DHX8: variants seen among roughly 807,000 people sequenced by gnomAD.
DHX8 encodes the protein ATP-dependent RNA helicase DHX8.
In DHX8, 67 loss-of-function variants were observed where a neutral mutation model predicts 140.7. The ratio of observed to expected loss-of-function variants is 0.48; its 90% CI spans 0.39 to 0.58. The LOEUF is 0.58. Ranked by LOEUF, DHX8 falls within the 20% of genes least tolerant of loss-of-function variation. The pLI is 0.00. For missense variants in DHX8, 887 were observed against 1,550.7 expected (o/e 0.57, Z 7.19); for synonymous variants, 533 against 553.2 (o/e 0.96, Z 0.51).
In DHX8 at chr17:43,525,120, C is replaced by T. The variant is rs2154586953; in HGVS notation, c.*1273C>T. Reference sequence around the variant, plus strand: ...TGAGGAGGCTCCTTACCTGGCGGAACATCAGGCAGGTCTTGCCAGGCCAGG... The same window carrying T: ...TGAGGAGGCTCCTTACCTGGCGGAATATCAGGCAGGTCTTGCCAGGCCAGG... On this transcript the variant is annotated 3_prime_UTR_variant, in exon 23 of 23. Transcript: ENST00000262415. 1 of 985,412 alleles carries T rather than the reference C, an allele frequency of 1.0e-6. No homozygotes were observed. The highest frequency in any genetic ancestry group is 1.2e-6 in the Non-Finnish European group (1 of 829,928). The allele number at this position is 985,412 out of a possible 1,614,324, so 61.0% of individuals were successfully genotyped here. A position where few individuals can be genotyped will look rare whatever the true frequency, so the allele number is the denominator to read the frequency against.
chr17:43,502,284 G>A (rs1375407548), intron 11 of DHX8, among the ~76,000 whole-genome samples: 1 of 152,212 alleles, frequency 6.6e-6, no homozygotes, highest in African/African-American at 2.4e-5. Flanking sequence ...TCGGCATGAT[G>A]GCTCACGCCT....
At chr17:43,535,037 C>T (rs992087547) in intron 2 of DHX8, among the ~76,000 whole-genome samples, 9 of 152,218 alleles carry the variant, frequency 5.9e-5, no homozygotes, top group Non-Finnish European at 1.0e-4. Context: ...CATGCTCCTA[C>T]TTATCTGTGA....
At chr17:43,529,627 G>A (rs373939840), downstream of DHX8, 16 of 1,614,074 alleles carry the variant, frequency 9.9e-6, no homozygotes, top group Middle Eastern at 1.7e-4. Flanking sequence ...CCCGGCGCTG[G>A]TAGGGCGGCC....
chr17:43,496,698 T>G (rs1354406357), intron 9 of DHX8, among the ~76,000 whole-genome samples: 3 of 151,970 alleles, frequency 2.0e-5, no homozygotes, highest in African/African-American at 7.3e-5. Context: ...GAGAATTGCT[T>G]GAACCCAGGA....
chr17:43,530,290 C>T (rs1970844574), downstream of DHX8: 1 of 1,515,650 alleles, frequency 6.6e-7, no homozygotes, highest in Middle Eastern at 1.7e-4. Context: ...CAGCCTGCTT[C>T]CTGGTGACTG....
rs773301589 is a variant in DHX8, at chr17:43,522,747, C to CAAAAA, written c.3443+538_3443+542dup. Among the ~76,000 whole-genome samples the CAAAAA allele has an allele frequency of 9.2e-4, 38 of 41,324 alleles. 1 individual carries two copies. Among genetic ancestry groups the CAAAAA allele is most frequent in the African/African-American group, 2.4e-3 (24 of 10,082 alleles). 27.1% of individuals were successfully genotyped at this position (41,324 alleles called of 152,430 possible). A position where few individuals can be genotyped will look rare whatever the true frequency, so the allele number is the denominator to read the frequency against. ...GGGCAACAAGAGCGAAACTCCATCT[C>CAAAAA]AAAAAAAAAAAAAAAAAAAAACCAA... On this transcript the variant is annotated intron_variant, in intron 22 of 22. Transcript: ENST00000262415.
chr17:43,541,852 A>C (rs1408890155), intron 3 of DHX8, among the ~76,000 whole-genome samples: 2 of 152,174 alleles, frequency 1.3e-5, no homozygotes, highest in Non-Finnish European at 2.9e-5. Context: ...GAAGAGACAG[A>C]AAGATGGAGA....
At position 43,484,052 on chromosome 17, in the gene DHX8, A is replaced by C. The variant is rs1156381955; in HGVS notation, c.15A>C (p.Val5=). 2.5e-6 allele frequency: 4 copies of C among 1,614,034 alleles called. No homozygotes were observed. The highest frequency in any genetic ancestry group is 3.4e-6 in the Non-Finnish European group (4 of 1,180,026). MAVA[V]AMAGALIGSE... is the part of the protein sequence containing the mutation. ...AAGCTATAGCCATGGCTGTGGCTGT[A>C]GCCATGGCGGGAGCCTTAATCGGGT... Residue 5 remains valine (V), a synonymous_variant, in exon 1 of 23, where the codon GTA becomes GTC. Coordinates refer to ENST00000262415, the MANE Select transcript of DHX8 (RefSeq NM_004941.3).
rs781052289 is a variant in DHX8 at position 43,507,217 on chromosome 17, G to A, written c.1923+20G>A. On this transcript the variant is annotated intron_variant, in intron 13 of 22. Coordinates refer to ENST00000262415, the MANE Select transcript of DHX8 (RefSeq NM_004941.3). ...CAAGAGGTAAGTAGATAGTGGAGTCGCTCGAAAAATACCAGAAGCAAAGGC... is the reference window on the plus strand; with the variant it reads ...CAAGAGGTAAGTAGATAGTGGAGTCACTCGAAAAATACCAGAAGCAAAGGC... 200 of 1,580,026 alleles carry A rather than the reference G, an allele frequency of 1.3e-4. 1 individual carries two copies. The highest frequency in any genetic ancestry group is 7.3e-4 in the Admixed American group (39 of 53,304).
chr17:43,538,654 C>T (rs1295476697), intron 3 of DHX8, among the ~76,000 whole-genome samples: 1 of 152,188 alleles, frequency 6.6e-6, no homozygotes, highest in Non-Finnish European at 1.5e-5. Context: ...CTCCCTTGAT[C>T]CCAGAGTCTT....
At chr17:43,494,492 C>T (rs866651446) in intron 8 of DHX8, among the ~76,000 whole-genome samples, 9 of 151,908 alleles carry the variant, frequency 5.9e-5, no homozygotes, top group African/African-American at 1.9e-4. Context: ...GAAGCTGAGG[C>T]GGGCGGGTCA....
downstream of DHX8, chr17:43,529,493 G>C: frequency 6.2e-7 from 1 of 1,600,146 alleles, no homozygotes; most frequent in Non-Finnish European, 8.5e-7. Context: ...GGGAACATCC[G>C]AGAGGCCCAC....
At chr17:43,529,913 T>C (rs1418797104), downstream of DHX8, 1 of 1,614,070 alleles carries the variant, frequency 6.2e-7, no homozygotes, top group South Asian at 1.1e-5. Context: ...AACGCAGACA[T>C]CATCTGGGAA....
intron 16 of DHX8, among the ~76,000 whole-genome samples, chr17:43,511,456 A>ATTTTTTTTGTTTTTTTTTTTTT (rs1969823736): frequency 1.8e-5 from 1 of 56,790 alleles, no homozygotes; most frequent in Non-Finnish European, 2.9e-5. Context: ...TGATCCCAGC[A>ATTTTTTTTGTTTTTTTTTTTTT]TTTTTTTTTT....
At chr17:43,523,064 A>C (rs1369004504) in intron 22 of DHX8, among the ~76,000 whole-genome samples, 7 of 9,458 alleles carry the variant, frequency 7.4e-4, no homozygotes, top group African/African-American at 3.3e-3. Context: ...CTCCGTCCCA[A>C]AAAAAAAAAA....
At chr17:43,532,880 C>G in intron 2 of DHX8, 2 of 1,604,044 alleles carry the variant, frequency 1.2e-6, no homozygotes, top group Admixed American at 3.4e-5. Flanking sequence ...GAGGGGTTCC[C>G]GGCCCCCTCC....
chr17:43,496,200 T>C lies in DHX8; in HGVS notation c.1232T>C (p.Leu411Pro), dbSNP rs753662737. Reference protein sequence around the residue: ...EIKQMIAANVLSKEEFPDFDE... With the variant: ...EIKQMIAANVPSKEEFPDFDE... ...GGCTAGATGATTGCTGCCAATGTCC[T>C]TTCCAAAGAAGAATTTCCAGACTTT... Residue 411 changes from leucine to proline, a missense_variant, in exon 9 of 23, where the codon CTT becomes CCT. Around this residue, in one of 9 missense-constraint regions of DHX8, gnomAD observed 178 missense variants for 398.5 expected, o/e 0.45. Coordinates refer to ENST00000262415, the MANE Select transcript of DHX8 (RefSeq NM_004941.3). The C allele has an allele frequency of 6.2e-7, 1 of 1,613,968 alleles. No individual in the cohort carries two copies. Among genetic ancestry groups the C allele is most frequent in the Non-Finnish European group, 8.5e-7 (1 of 1,179,856 alleles).
intron 16 of DHX8, among the ~76,000 whole-genome samples, chr17:43,510,301 G>A (rs975240450): frequency 3.3e-5 from 5 of 152,124 alleles, no homozygotes; most frequent in African/African-American, 1.2e-4. Context: ...GCCCCCCTCG[G>A]CCTCCCAAAG....
downstream of DHX8, chr17:43,527,697 A>C (rs1893763611): frequency 5.3e-6 from 1 of 189,816 alleles, no homozygotes; most frequent in Admixed American, 6.2e-5. Context: ...GAAGAGAAAC[A>C]GTCAGGTGAA....
Sources: gnomAD v4.1 joint callset for allele counts (sites outside exome capture counted in the v4.1 genomes callset) on GRCh38, gnomAD v4.1.1 for gene constraint, gnomAD v4.1.1 regional missense constraint, MANE v1.5 for transcripts, NCBI Gene and HGNC (gene_info 2026-07-23, HGNC 2026-07-21) for gene names.